The following ATRX variants were observed in gnomAD, a reference collection of about 807,000 sequenced individuals.
ATRX encodes chromatin remodeler ATRX.
A neutral mutation model predicts 172.6 loss-of-function variants in ATRX; 12 were observed. The ratio of observed to expected loss-of-function variants is 0.07; its 90% CI spans 0.04 to 0.11. The LOEUF is 0.11. ATRX is among the 10% of genes least tolerant of loss of function. The probability of loss-of-function intolerance (pLI) is 1.00; values close to 1 mark genes in which losing one functional copy is unlikely to be tolerated. For missense variants in ATRX, 1,368 were observed against 1,767.4 expected (o/e 0.77, Z 4.05); for synonymous variants, 674 against 594.7 (o/e 1.13, Z -1.94).
intron 1 of ATRX, among the ~76,000 whole-genome samples, chrX:77,730,514 C>A (rs1437124660): frequency 8.9e-6 from 1 of 111,802 alleles, no homozygotes; most frequent in Non-Finnish European, 1.9e-5. Context: ...CAGAAAAATT[C>A]ATCCAAGGGC....
chrX:77,585,057 C>A (rs965298737), intron 27 of ATRX, among the ~76,000 whole-genome samples: 1 of 111,570 alleles, frequency 9.0e-6, no homozygotes. Flanking sequence ...GGAAAAGGTG[C>A]TCAACATCAT....
chrX:77,631,245 C>T (rs1484632276), intron 19 of ATRX, among the ~76,000 whole-genome samples: 1 of 107,143 alleles, frequency 9.3e-6, no homozygotes, highest in Non-Finnish European at 1.9e-5. Context: ...GTCCAATGCA[C>T]GAACTAAAAA....
intron 11 of ATRX, among the ~76,000 whole-genome samples, chrX:77,664,049 C>A (rs1466771567): frequency 1.9e-5 from 2 of 102,684 alleles, no homozygotes; most frequent in Non-Finnish European, 2.0e-5. Context: ...TGCAGTGAGC[C>A]AAAATTGCGC....
At chrX:77,532,720 G>A (rs1195334203) in intron 30 of ATRX, among the ~76,000 whole-genome samples, 2 of 111,679 alleles carry the variant, frequency 1.8e-5, no homozygotes, top group African/African-American at 6.5e-5. Context: ...TACCATTCAG[G>A]ATATAGGCAT....
At chrX:77,731,099 G>GA (rs1174909363) in intron 1 of ATRX, among the ~76,000 whole-genome samples, 12 of 89,234 alleles carry the variant, frequency 1.3e-4, no homozygotes, top group African/African-American at 1.6e-4. Context: ...AAAAAAAAAA[G>GA]AAAAAAAAAA....
chrX:77,660,617 AAAG>A (rs1465208009), intron 12 of ATRX, among the ~76,000 whole-genome samples: 4 of 110,066 alleles, frequency 3.6e-5, no homozygotes, highest in African/African-American at 1.3e-4. Context: ...TAATAATAAA[AAAG>A]AAATTTATAA....
chrX:77,623,437 A>G (rs1427471387), intron 19 of ATRX, among the ~76,000 whole-genome samples: 3 of 111,748 alleles, frequency 2.7e-5, no homozygotes, highest in Non-Finnish European at 5.6e-5. Context: ...CAAGAAAAAA[A>G]AGTCCAGGAC....
intron 1 of ATRX, among the ~76,000 whole-genome samples, chrX:77,766,457 T>C (rs2075942951): frequency 9.6e-6 from 1 of 103,743 alleles, no homozygotes; most frequent in Non-Finnish European, 2.0e-5. Context: ...GCTCCTCAAT[T>C]CTCAGACGAG....
At chrX:77,583,104 C>G (rs898439827) in intron 27 of ATRX, among the ~76,000 whole-genome samples, 1 of 111,788 alleles carries the variant, frequency 8.9e-6, no homozygotes, top group Non-Finnish European at 1.9e-5. Flanking sequence ...AAAACAGTAG[C>G]AAACGGAATT....
intron 9 of ATRX, 28 bp downstream of exon 9, chrX:77,681,492 T>TA: frequency 8.4e-7 from 1 of 1,188,157 alleles, no homozygotes; most frequent in East Asian, 3.0e-5. Context: ...AAGTACAAAT[T>TA]ATGAATTTTT....
chrX:77,654,740 A>G (rs1202418964), intron 13 of ATRX, among the ~76,000 whole-genome samples: 1 of 111,829 alleles, frequency 8.9e-6, no homozygotes, highest in Non-Finnish European at 1.9e-5. Context: ...CTATGGAAAC[A>G]TTATGGCAGT....
intron 7 of ATRX, among the ~76,000 whole-genome samples, chrX:77,685,802 AC>A (rs1393285234): frequency 1.8e-5 from 2 of 112,131 alleles, no homozygotes; most frequent in African/African-American, 6.5e-5. Context: ...GTGCCCATCA[AC>A]AGATAAGTAA....
chrX:77,678,595 T>A (rs1482681413), intron 9 of ATRX, among the ~76,000 whole-genome samples: 1 of 111,554 alleles, frequency 9.0e-6, no homozygotes, highest in Non-Finnish European at 1.9e-5. Flanking sequence ...CAAGCGATTC[T>A]CCTGCCTCAG....
At chrX:77,745,461 T>C (rs1005575146) in intron 1 of ATRX, among the ~76,000 whole-genome samples, 5 of 111,550 alleles carry the variant, frequency 4.5e-5, no homozygotes, top group African/African-American at 1.6e-4. Context: ...CTGTAGGTCA[T>C]TATATTAAGT....
intron 9 of ATRX, among the ~76,000 whole-genome samples, chrX:77,676,563 G>T (rs2070875533): frequency 8.9e-6 from 1 of 111,941 alleles, no homozygotes; most frequent in African/African-American, 3.2e-5. Flanking sequence ...ACCCTTCTCA[G>T]TAACAATTCT....
intron 30 of ATRX, among the ~76,000 whole-genome samples, chrX:77,550,611 G>A (rs1252636692): frequency 9.0e-6 from 1 of 111,219 alleles, no homozygotes; most frequent in African/African-American, 3.3e-5. Flanking sequence ...GGAAGTTCTG[G>A]CCAGGGCAAT....
intron 30 of ATRX, among the ~76,000 whole-genome samples, chrX:77,527,915 G>A (rs1322315874): frequency 9.0e-6 from 1 of 111,232 alleles, no homozygotes. Context: ...ACAGCGCAGT[G>A]CAGTGGCCTT....
At position 77,683,273 on chromosome X, in the gene ATRX, A is replaced by G. The variant is rs1557140457; in HGVS notation, c.1983T>C (p.Thr661=). 5.0e-6 allele frequency: 6 copies of G among 1,210,658 alleles called. No individual in the cohort carries two copies. The highest frequency in any genetic ancestry group is 5.6e-6 in the Non-Finnish European group (5 of 894,714). The change falls in exon 9 of 35, where the codon ACT becomes ACC. Residue 661 remains threonine (T), a synonymous_variant. Coordinates refer to ENST00000373344, the MANE Select transcript of ATRX (RefSeq NM_000489.6). ...SDLRRSPRVK[T]TPLRRPTETN... is the part of the protein sequence containing the mutation. ...TTTCTGTCGGTCGCCTCAAGGGTGT[A>G]GTCTTTACACGTGGGGATCTTCGAA... is the stretch of plus-strand genomic sequence containing the variant.
chrX:77,531,149 C>A (rs112435045), intron 30 of ATRX, among the ~76,000 whole-genome samples: 1 of 111,135 alleles, frequency 9.0e-6, no homozygotes, highest in East Asian at 2.8e-4. Context: ...AAATAGCCTA[C>A]CAGCCAAAAA....
Sources: allele counts gnomAD v4.1 joint callset (sites outside exome capture counted in the v4.1 genomes callset), GRCh38; gene constraint gnomAD v4.1.1; transcripts MANE v1.5; gene names NCBI Gene and HGNC (gene_info 2026-07-23, HGNC 2026-07-21).